Variants in NKAIN2 observed in about 807,000 individuals in gnomAD.
NKAIN2 encodes sodium/potassium transporting ATPase interacting 2.
NKAIN2 carries 14 observed loss-of-function variants against 32.6 expected under a neutral mutation model. That is an observed-to-expected ratio of 0.43 (90% confidence interval 0.28 to 0.67). The LOEUF is 0.67. NKAIN2 is among the 30% of genes least tolerant of loss of function. NKAIN2 has a pLI of 0.17. For missense variants in NKAIN2, 198 were observed against 258.3 expected (o/e 0.77, Z 1.60); for synonymous variants, 80 against 87.2 (o/e 0.92, Z 0.46).
intron 5 of NKAIN2, among the ~76,000 whole-genome samples, chr6:124,797,032 G>A (rs1458637756): frequency 6.6e-6 from 1 of 151,886 alleles, no homozygotes; most frequent in Admixed American, 6.6e-5. Context: ...TTCATCCTCG[G>A]TTTTTCCCCA....
intron 1 of NKAIN2, among the ~76,000 whole-genome samples, chr6:124,139,251 G>T (rs1451858045): frequency 1.3e-5 from 2 of 148,914 alleles, no homozygotes; most frequent in African/African-American, 2.5e-5. Flanking sequence ...ACCGCGCCCG[G>T]CTAATTTTTT....
intron 3 of NKAIN2, among the ~76,000 whole-genome samples, chr6:124,560,381 G>A (rs1198830445): frequency 2.6e-5 from 4 of 152,174 alleles, no homozygotes; most frequent in Admixed American, 2.6e-4. Context: ...CCCCAGCCAT[G>A]CTGAACTGTG....
At chr6:124,493,654 C>G (rs527400105) in intron 3 of NKAIN2, among the ~76,000 whole-genome samples, 1 of 147,892 alleles carries the variant, frequency 6.8e-6, no homozygotes, top group Admixed American at 6.9e-5. Context: ...ATCTCTACAT[C>G]TCTCCACTGT....
At position 124,627,782 on chromosome 6, in the gene NKAIN2, T is replaced by C. The variant is rs75469035; in HGVS notation, c.274-30404T>C. On this transcript the variant is annotated intron_variant, in intron 3 of 6. Coordinates refer to ENST00000368417, the MANE Select transcript of NKAIN2 (RefSeq NM_001040214.3). ...GCTTTAGTGCCCCATGATTTTCATC[T>C]TTCCTATTGCACATCCCACTCACCT... Among the ~76,000 whole-genome samples, 998 of 152,218 alleles carry C rather than the reference T, an allele frequency of 6.6e-3. 14 individuals are homozygous for C. The highest frequency in any genetic ancestry group is 0.023 in the African/African-American group (948 of 41,540).
chr6:124,680,024 A>C (rs1479047), intron 4 of NKAIN2, among the ~76,000 whole-genome samples: 37,816 of 152,012 alleles, frequency 0.25, 5,034 homozygotes, highest in East Asian at 0.41. Context: ...ATTTATTACG[A>C]TGAGCCACCA....
intron 3 of NKAIN2, among the ~76,000 whole-genome samples, chr6:124,439,306 A>G (rs1474238070): frequency 6.6e-6 from 1 of 151,810 alleles, no homozygotes; most frequent in Non-Finnish European, 1.5e-5. Flanking sequence ...ACTAAGTACT[A>G]CAGATTTCAC....
intron 1 of NKAIN2, among the ~76,000 whole-genome samples, chr6:124,201,466 A>G (rs1790583324): frequency 6.6e-6 from 1 of 151,982 alleles, no homozygotes; most frequent in South Asian, 2.1e-4. Context: ...GAAATTAGTT[A>G]CCTATTGTTT....
intron 1 of NKAIN2, among the ~76,000 whole-genome samples, chr6:123,849,694 G>A (rs562191783): frequency 6.6e-6 from 1 of 152,282 alleles, no homozygotes; most frequent in Admixed American, 6.5e-5. Context: ...AGTGCAGGAA[G>A]CTGGTAAGGG....
At chr6:124,113,503 A>G (rs575974439) in intron 1 of NKAIN2, among the ~76,000 whole-genome samples, 18 of 152,140 alleles carry the variant, frequency 1.2e-4, no homozygotes, top group South Asian at 8.3e-4. Context: ...GGGAGTATCA[A>G]TGGCCTGTAC....
intron 1 of NKAIN2, among the ~76,000 whole-genome samples, chr6:124,160,116 G>T (rs755298742): frequency 4.6e-5 from 7 of 152,156 alleles, no homozygotes; most frequent in Non-Finnish European, 7.3e-5. Context: ...CGGGAAAAGA[G>T]CTTTCCTTCC....
rs543749274 is a variant in NKAIN2, at chr6:124,818,368, A to C, written c.536-19A>C. On this transcript the variant is annotated intron_variant, in intron 5 of 6. Coordinates refer to ENST00000368417, the MANE Select transcript of NKAIN2 (RefSeq NM_001040214.3). ...TATATCTCTTCTGAAAAGCTAATTA[A>C]TGAATTGTCCCTTTTCAGTTGATTT... 8.9e-6 allele frequency: 13 copies of C among 1,454,698 alleles called. No individual in the cohort carries two copies. Among genetic ancestry groups the C allele is most frequent in the Non-Finnish European group, 1.3e-5 (13 of 1,036,848 alleles). 90.1% of individuals were successfully genotyped at this position (1,454,698 alleles called of 1,614,324 possible).
At chr6:123,869,230 C>G (rs921742646) in intron 1 of NKAIN2, among the ~76,000 whole-genome samples, 1 of 152,174 alleles carries the variant, frequency 6.6e-6, no homozygotes, top group African/African-American at 2.4e-5. Flanking sequence ...TTATTCTTTC[C>G]TAGACCTAAT....
chr6:124,122,915 G>T (rs967974621), intron 1 of NKAIN2, among the ~76,000 whole-genome samples: 3 of 151,994 alleles, frequency 2.0e-5, no homozygotes, highest in African/African-American at 7.2e-5. Flanking sequence ...GAATTGCATA[G>T]AATTTTTAGA....
chr6:124,506,236 A>G (rs1367644641), intron 3 of NKAIN2, among the ~76,000 whole-genome samples: 9 of 152,150 alleles, frequency 5.9e-5, no homozygotes, highest in Admixed American at 5.9e-4. Context: ...TATAAAACGG[A>G]ACCTTTCATT....
At chr6:123,873,052 C>T (rs952234089) in intron 1 of NKAIN2, among the ~76,000 whole-genome samples, 4 of 152,088 alleles carry the variant, frequency 2.6e-5, no homozygotes, top group Non-Finnish European at 5.9e-5. Context: ...AAGGTCTCTA[C>T]TCTGATGGAA....
At chr6:124,500,279 A>G (rs547289464) in intron 3 of NKAIN2, among the ~76,000 whole-genome samples, 1 of 152,280 alleles carries the variant, frequency 6.6e-6, no homozygotes, top group East Asian at 1.9e-4. Context: ...TGACTTCCAA[A>G]TGTGTGTCCA....
chr6:124,714,695 A>G (rs978045171), intron 4 of NKAIN2, among the ~76,000 whole-genome samples: 3 of 152,186 alleles, frequency 2.0e-5, no homozygotes, highest in African/African-American at 7.2e-5. Context: ...AGCATAGTAC[A>G]TTGTAGTTCC....
chr6:124,637,409 AAG>A (rs965443301), intron 3 of NKAIN2, among the ~76,000 whole-genome samples: 5 of 152,194 alleles, frequency 3.3e-5, no homozygotes, highest in Middle Eastern at 3.4e-3. Flanking sequence ...GAGAAAGAAA[AAG>A]AGGGCATCCA....
At chr6:124,173,700 C>G (rs1456253414) in intron 1 of NKAIN2, among the ~76,000 whole-genome samples, 1 of 151,986 alleles carries the variant, frequency 6.6e-6, no homozygotes, top group Non-Finnish European at 1.5e-5. Flanking sequence ...ATCTTGTTTT[C>G]TCTTGAAAGT....
Sources: allele counts gnomAD v4.1 joint callset (sites outside exome capture counted in the v4.1 genomes callset), GRCh38; gene constraint gnomAD v4.1.1; transcripts MANE v1.5; gene names NCBI Gene and HGNC (gene_info 2026-07-23, HGNC 2026-07-21).